Variants in CMTM7 observed in about 807,000 individuals in gnomAD.
CMTM7 encodes the protein CKLF like MARVEL transmembrane domain containing 7, also known as CKLF-like MARVEL transmembrane domain-containing protein 7.
In CMTM7, 7 loss-of-function variants were observed where a neutral mutation model predicts 19.3. That is an observed-to-expected ratio of 0.36 (90% CI 0.21 to 0.68). CMTM7 has a LOEUF of 0.68. Ranked by LOEUF, CMTM7 falls within the 30% of genes least tolerant of loss-of-function variation. The pLI is 0.60. For synonymous variants in CMTM7, 87 were observed against 99.3 expected, an observed-to-expected ratio of 0.88 and a Z score of 0.74; for missense variants, 193 against 232.6, an observed-to-expected ratio of 0.83 and a Z score of 1.11.
At chr3:32,447,500 T>G (rs1696768874) in intron 2 of CMTM7, among the ~76,000 whole-genome samples, 1 of 152,322 alleles carries the variant, frequency 6.6e-6, no homozygotes, top group South Asian at 2.1e-4. Context: ...ACCTGGTTGT[T>G]CTATACATTG....
In CMTM7 at chr3:32,438,538, G is replaced by T. The variant is rs1476116696; in HGVS notation, c.160-3302G>T. Among the ~76,000 whole-genome samples, 3 of 151,856 alleles carry T rather than the reference G, an allele frequency of 2.0e-5. No individual in the cohort carries two copies. In the East Asian group the frequency reaches 5.8e-4, roughly 29 times the overall value. The stretch of plus-strand genomic sequence containing the variant: ...CTAAGATGCTGGCTATTTAAAGTTG[G>T]AATGAATGAATCCCTGGGCAAAAAG... On this transcript the variant is annotated intron_variant, in intron 1 of 4. Coordinates refer to ENST00000334983, the MANE Select transcript of CMTM7 (RefSeq NM_138410.4).
At chr3:32,437,553 C>T (rs1342468728) in intron 1 of CMTM7, among the ~76,000 whole-genome samples, 6 of 152,004 alleles carry the variant, frequency 3.9e-5, no homozygotes, top group African/African-American at 9.7e-5. Flanking sequence ...GTGGGGATAG[C>T]GCCACTGCAC....
At chr3:32,412,822 T>A (rs1478047795) in intron 1 of CMTM7, among the ~76,000 whole-genome samples, 1 of 152,194 alleles carries the variant, frequency 6.6e-6, no homozygotes, top group African/African-American at 2.4e-5. Context: ...GATTCTGCTT[T>A]GTTGCTTATT....
Position 32,450,000 on chromosome 3 carries a change from G to A in CMTM7, c.432+448G>A, listed in dbSNP as rs60283973. On this transcript the variant is annotated intron_variant, in intron 3 of 4. Transcript: ENST00000334983. The surrounding 1 kb of genome is among the most constrained non-coding windows in gnomAD (Gnocchi z 4.5). ...TGATTTTTAACAGTATTCAGGCCAG[G>A]AAATAATACTCCTGTATCTTTCAGA... 2.0e-5 allele frequency among the ~76,000 whole-genome samples: 3 copies of A among 152,242 alleles called. No individual in the cohort carries two copies. The East Asian group carries it at 5.8e-4, about 29-fold the overall frequency.
chr3:32,425,828 G>A (rs17798480), intron 1 of CMTM7, among the ~76,000 whole-genome samples: 23,394 of 152,104 alleles, frequency 0.15, 1,908 homozygotes, highest in Middle Eastern at 0.2. Context: ...AAAGGACACC[G>A]GTCGGCACCT....
intron 1 of CMTM7, among the ~76,000 whole-genome samples, chr3:32,419,113 A>G (rs1416373375): frequency 6.6e-6 from 1 of 152,220 alleles, no homozygotes; most frequent in East Asian, 1.9e-4. Flanking sequence ...TTAGATTTAT[A>G]CCTAATAAAT....
At chr3:32,404,148 T>TTC (rs1696054087) in intron 1 of CMTM7, among the ~76,000 whole-genome samples, 1 of 91,994 alleles carries the variant, frequency 1.1e-5, no homozygotes, top group African/African-American at 3.4e-5. Context: ...CTTTCTTTTT[T>TTC]TTTCTTTTTT....
intron 1 of CMTM7, among the ~76,000 whole-genome samples, chr3:32,434,499 C>T (rs1050319219): frequency 1.3e-5 from 2 of 151,292 alleles, no homozygotes; most frequent in Non-Finnish European, 2.9e-5. Flanking sequence ...AGATGCGGGT[C>T]TCACTATGTT....
intron 2 of CMTM7, among the ~76,000 whole-genome samples, chr3:32,447,133 C>T (rs1232763051): frequency 6.6e-6 from 1 of 152,088 alleles, no homozygotes; most frequent in Non-Finnish European, 1.5e-5. Flanking sequence ...TCATACATCT[C>T]CAGGTATTTT....
chr3:32,392,102 G>C, intron 1 of CMTM7, 37 bp downstream of exon 1: 1 of 1,226,814 alleles, frequency 8.2e-7, no homozygotes, highest in Non-Finnish European at 1.0e-6. Context: ...AGGTTCTACA[G>C]GGCGTCCCGG....
intron 1 of CMTM7, among the ~76,000 whole-genome samples, chr3:32,395,242 G>C (rs933576632): frequency 6.6e-6 from 1 of 152,024 alleles, no homozygotes; most frequent in African/African-American, 2.4e-5. Flanking sequence ...GAGATTCAAG[G>C]GATCTGTCCA....
intron 1 of CMTM7, among the ~76,000 whole-genome samples, chr3:32,400,102 C>T (rs1473739539): frequency 6.6e-6 from 1 of 152,140 alleles, no homozygotes; most frequent in African/African-American, 2.4e-5. Flanking sequence ...TCACTGCAAC[C>T]TCTGCCTCCC....
intron 1 of CMTM7, among the ~76,000 whole-genome samples, chr3:32,418,435 T>C (rs1463447468): frequency 6.6e-6 from 1 of 152,222 alleles, no homozygotes; most frequent in Admixed American, 6.5e-5. Flanking sequence ...CAGTTTTTTT[T>C]CCTTATGGAT....
intron 1 of CMTM7, among the ~76,000 whole-genome samples, chr3:32,393,473 T>C (rs527300401): frequency 6.6e-6 from 1 of 152,264 alleles, no homozygotes; most frequent in Non-Finnish European, 1.5e-5. Flanking sequence ...ATGAGTTTGG[T>C]AGACAGAGAA....
At chr3:32,453,946 T>G (rs1208656549) in intron 4 of CMTM7, among the ~76,000 whole-genome samples, 1 of 152,206 alleles carries the variant, frequency 6.6e-6, no homozygotes, top group East Asian at 1.9e-4. Context: ...ATAAATTGGT[T>G]TTTTGAATTA....
chr3:32,413,253 G>C (rs1026125067), intron 1 of CMTM7, among the ~76,000 whole-genome samples: 1 of 152,178 alleles, frequency 6.6e-6, no homozygotes, highest in African/African-American at 2.4e-5. Context: ...GTATGCAGTA[G>C]AGTTTTCTTT....
chr3:32,397,669 G>T (rs1695938562), intron 1 of CMTM7, among the ~76,000 whole-genome samples: 1 of 152,040 alleles, frequency 6.6e-6, no homozygotes, highest in African/African-American at 2.4e-5. Context: ...GGGAGGCAGA[G>T]GTTGCGGTGA....
At chr3:32,441,263 G>A (rs1424751950) in intron 1 of CMTM7, among the ~76,000 whole-genome samples, 2 of 152,138 alleles carry the variant, frequency 1.3e-5, no homozygotes, top group African/African-American at 2.4e-5. Context: ...GCATGCCTCC[G>A]TTTCCCCTTA....
chr3:32,415,599 G>A (rs969244573), intron 1 of CMTM7, among the ~76,000 whole-genome samples: 4 of 152,218 alleles, frequency 2.6e-5, no homozygotes, highest in South Asian at 2.1e-4. Flanking sequence ...TCCCTCTTCC[G>A]TGAGATGGGG....
Sources: gnomAD v4.1 joint callset for allele counts (sites outside exome capture counted in the v4.1 genomes callset) on GRCh38, gnomAD v4.1.1 for gene constraint, Gnocchi (gnomAD v3.1) non-coding constraint, MANE v1.5 for transcripts, NCBI Gene and HGNC (gene_info 2026-07-23, HGNC 2026-07-21) for gene names.